The following SLC2A9 variants were observed in gnomAD, a reference collection of about 807,000 sequenced individuals.
The protein encoded by SLC2A9 is solute carrier family 2, facilitated glucose transporter member 9.
A neutral mutation model predicts 50.6 loss-of-function variants in SLC2A9; 39 were observed. That is an observed-to-expected ratio of 0.77 (90% confidence interval 0.60 to 1.01). The LOEUF (loss-of-function observed/expected upper bound fraction) is 1.01. Among genes scored for constraint, SLC2A9 ranks in the 50% least tolerant of loss-of-function variants. The probability of loss-of-function intolerance (pLI) is 0.00; values close to 1 mark genes in which losing one functional copy is unlikely to be tolerated. For missense variants in SLC2A9, 686 were observed against 677.6 expected (o/e 1.01, Z -0.14); for synonymous variants, 324 against 276.9 (o/e 1.17, Z -1.69).
intron 5 of SLC2A9, among the ~76,000 whole-genome samples, chr4:9,955,562 G>A (rs1049505883): frequency 6.6e-6 from 1 of 150,570 alleles, no homozygotes; most frequent in African/African-American, 2.4e-5. Context: ...CTCTCAAGTC[G>A]CTCCCTTGGT....
intron 10 of SLC2A9, among the ~76,000 whole-genome samples, chr4:9,853,011 T>C (rs1287988522): frequency 6.6e-6 from 1 of 152,088 alleles, no homozygotes; most frequent in Non-Finnish European, 1.5e-5. Flanking sequence ...ACCCCATTTC[T>C]ACTAAAATAC....
chr4:10,021,582 CA>C (rs770659645), upstream of SLC2A9: 74 of 1,166,474 alleles, frequency 6.3e-5, no homozygotes, highest in Non-Finnish European at 9.0e-5. Context: ...GGCAACGGGG[CA>C]ACATTTTTTT....
chr4:10,015,191 T>C (rs4318649), intron 2 of SLC2A9, among the ~76,000 whole-genome samples: 84,002 of 151,994 alleles, frequency 0.55, 24,023 homozygotes, highest in East Asian at 0.89. Flanking sequence ...GACAGGTAAG[T>C]AGCCCTGGGC....
At chr4:9,895,479 C>T (rs1015851295) in intron 8 of SLC2A9, among the ~76,000 whole-genome samples, 3 of 152,208 alleles carry the variant, frequency 2.0e-5, no homozygotes, top group African/African-American at 4.8e-5. Flanking sequence ...AGACGAACAG[C>T]AGACTGAAGG....
chr4:9,845,423 A>ATTTTTTTTTTTTTTTTTTTT (rs1183351674), intron 10 of SLC2A9, among the ~76,000 whole-genome samples: 2 of 130,798 alleles, frequency 1.5e-5, no homozygotes, highest in African/African-American at 6.3e-5. Flanking sequence ...ACGATCATCA[A>ATTTTTTTTTTTTTTTTTTTT]TTTCTTTTTT....
At chr4:10,020,654 A>G (rs1424190239) in intron 1 of SLC2A9, among the ~76,000 whole-genome samples, 1 of 152,192 alleles carries the variant, frequency 6.6e-6, no homozygotes, top group Admixed American at 6.5e-5. Context: ...CTCGGCACAG[A>G]TACCACTTCT....
At chr4:10,024,571 G>C (rs959753032), upstream of SLC2A9, among the ~76,000 whole-genome samples, 1 of 152,178 alleles carries the variant, frequency 6.6e-6, no homozygotes, top group Non-Finnish European at 1.5e-5. Flanking sequence ...TGGTTTCTAA[G>C]ACTGTGAGAC....
Position 9,915,747 on chromosome 4 carries a change from T to C in SLC2A9, c.1002+4638A>G, listed in dbSNP as rs76640365. Among the ~76,000 whole-genome samples, 1,195 of 152,318 alleles carry C rather than the reference T, an allele frequency of 7.8e-3. 38 individuals carry two copies. Among genetic ancestry groups the C allele is most frequent in the East Asian group, 0.072 (373 of 5,176 alleles). ...GAGGGTCTCTTCTCAGCTTTCTCCC[T>C]GTTCATCAGGACATAGCAAACTGCT... On this transcript the variant is annotated intron_variant, in intron 7 of 11. Coordinates refer to ENST00000264784, the MANE Select transcript of SLC2A9 (RefSeq NM_020041.3).
rs151332566 is a variant in SLC2A9, at chr4:9,949,468, A to T, written c.682-7423T>A. Among the ~76,000 whole-genome samples the T allele has an allele frequency of 8.7e-4, 133 of 152,334 alleles. 2 individuals carry two copies. In the East Asian group the frequency reaches 0.014, roughly 17 times the overall value. ...AGTATTATAAATAATATTTTCCCAC[A>T]AAGTATTATTATAATTTCTAGTCCA... is the stretch of plus-strand genomic sequence containing the variant. On this transcript the variant is annotated intron_variant, in intron 5 of 11. Transcript: ENST00000264784.
At chr4:9,948,058 C>A (rs1223903199) in intron 5 of SLC2A9, among the ~76,000 whole-genome samples, 1 of 152,178 alleles carries the variant, frequency 6.6e-6, no homozygotes, top group Non-Finnish European at 1.5e-5. Context: ...CAGCTGGTTG[C>A]CCCTCCCACT....
chr4:10,035,270 T>C (rs1764063027), intron 1 of SLC2A9: 1 of 152,204 alleles, frequency 6.6e-6, no homozygotes, highest in African/African-American at 2.4e-5. Flanking sequence ...CAAAGAACAC[T>C]TCTCAACAGA....
chr4:9,882,611 A>T (rs891046731), intron 10 of SLC2A9, among the ~76,000 whole-genome samples: 16 of 150,636 alleles, frequency 1.1e-4, no homozygotes, highest in African/African-American at 3.9e-4. Flanking sequence ...TGGGAGGCTG[A>T]GGCAGGAGAA....
chr4:9,866,971 C>G (rs528893519), intron 10 of SLC2A9, among the ~76,000 whole-genome samples: 1 of 152,156 alleles, frequency 6.6e-6, no homozygotes, highest in African/African-American at 2.4e-5. Flanking sequence ...ACTTTTGGAG[C>G]CTAGAATCTC....
intron 5 of SLC2A9, among the ~76,000 whole-genome samples, chr4:9,957,267 C>A (rs1277800248): frequency 6.6e-6 from 1 of 151,930 alleles, no homozygotes; most frequent in Non-Finnish European, 1.5e-5. Context: ...AATCTTTTCC[C>A]AGAATAGGCA....
chr4:10,026,433 T>A (rs931848648), upstream of SLC2A9, among the ~76,000 whole-genome samples: 1 of 152,114 alleles, frequency 6.6e-6, no homozygotes, highest in African/African-American at 2.4e-5. Context: ...TGTGAAATGG[T>A]TTAGCTACTG....
At chr4:9,956,166 A>T (rs1751239900) in intron 5 of SLC2A9, among the ~76,000 whole-genome samples, 1 of 151,290 alleles carries the variant, frequency 6.6e-6, no homozygotes, top group South Asian at 2.1e-4. Flanking sequence ...GGCGTGATCC[A>T]CCCAGTGAGC....
chr4:9,782,446 C>A, intron 3 of SLC2A9: 1 of 1,614,014 alleles, frequency 6.2e-7, no homozygotes, highest in Non-Finnish European at 8.5e-7. Flanking sequence ...TGGACCGCTA[C>A]TGGGCCATCT....
intron 3 of SLC2A9, among the ~76,000 whole-genome samples, chr4:9,989,225 A>G (rs61161133): frequency 0.013 from 1,937 of 152,254 alleles, 43 homozygotes; most frequent in African/African-American, 0.045. Context: ...AGCTGGTTAA[A>G]TCTCTGTCTA....
chr4:9,978,242 G>C (rs1755134075), intron 5 of SLC2A9, among the ~76,000 whole-genome samples: 1 of 152,192 alleles, frequency 6.6e-6, no homozygotes, highest in Admixed American at 6.5e-5. Context: ...GGCTGTACCT[G>C]ATGTGCTCAA....
Sources: allele counts gnomAD v4.1 joint callset (sites outside exome capture counted in the v4.1 genomes callset), GRCh38; gene constraint gnomAD v4.1.1; transcripts MANE v1.5; gene names NCBI Gene and HGNC (gene_info 2026-07-23, HGNC 2026-07-21).